BPIFB4: variants seen among roughly 807,000 people sequenced by gnomAD.
The protein encoded by BPIFB4 is BPI fold containing family B member 4.
A neutral mutation model predicts 69.2 loss-of-function variants in BPIFB4; 62 were observed. The observed-to-expected ratio is 0.90, with a 90% CI of 0.73 to 1.11. BPIFB4 has a LOEUF of 1.11. Ranked by LOEUF, BPIFB4 falls within the 50% of genes least tolerant of loss-of-function variation. BPIFB4 has a pLI of 0.00. For missense variants in BPIFB4, 789 were observed against 792.0 expected (o/e 1.00, Z 0.04); for synonymous variants, 330 against 332.7 (o/e 0.99, Z 0.09).
At chr20:33,083,902 A>G (rs940407410) in intron 5 of BPIFB4, 28 bp downstream of exon 5, 39 of 1,573,828 alleles carry the variant, frequency 2.5e-5, no homozygotes, top group Non-Finnish European at 3.3e-5. Context: ...TCTCCCCAGA[A>G]AGCCCCCATA....
chr20:33,084,389 C>T (rs1981354934), intron 5 of BPIFB4, among the ~76,000 whole-genome samples: 1 of 152,166 alleles, frequency 6.6e-6, no homozygotes, highest in East Asian at 1.9e-4. Context: ...GGTACATGGG[C>T]ATTGATAAGA....
At chr20:33,085,798 G>T (rs1005891466) in intron 6 of BPIFB4, among the ~76,000 whole-genome samples, 3 of 152,244 alleles carry the variant, frequency 2.0e-5, no homozygotes, top group African/African-American at 7.2e-5. Flanking sequence ...ACCAGAATGT[G>T]TGCTGAGCCC....
At position 33,092,499 on chromosome 20, in the gene BPIFB4, A is replaced by T; in HGVS notation, c.1185A>T (p.Pro395=). The T allele has an allele frequency of 6.2e-7, 1 of 1,613,996 alleles. No individual in the cohort carries two copies. Among genetic ancestry groups the T allele is most frequent in the Non-Finnish European group, 8.5e-7 (1 of 1,179,986 alleles). Residue 395 remains proline (P), a synonymous_variant, in exon 11 of 18, where the codon CCA becomes CCT. Transcript: ENST00000375483. ...GEAGGGLIDY[P]LGWPAVSPKP... is the part of the protein sequence containing the mutation. ...CTGGAGGAGGACTCATCGACTACCC[A>T]TTGGGGTGGCCAGCTGTGTCTCCCA...
intron 16 of BPIFB4, among the ~76,000 whole-genome samples, chr20:33,105,241 C>T (rs1982015300): frequency 6.6e-6 from 1 of 152,122 alleles, no homozygotes; most frequent in Admixed American, 6.5e-5. Flanking sequence ...TCTTTTTCTC[C>T]ATTGTTTTCC....
chr20:33,089,438 A>T (rs1981531343), intron 8 of BPIFB4, 60 bp from the exon 9 acceptor site: 1 of 1,610,734 alleles, frequency 6.2e-7, no homozygotes, highest in East Asian at 2.2e-5. Flanking sequence ...TGCGTCCCCG[A>T]CTCCCTTGCT....
rs376117181 is a variant in BPIFB4 at position 33,092,646 on chromosome 20, C to T, written c.1332C>T (p.Ile444=). The part of the protein sequence containing the change: ...LQKQHALDLD[I]TNGMFEELPP... ...AGCAGCATGCTCTAGACCTGGATAT[C>T]ACCAATGGCATGGTGAGTCACAGCC... Residue 444 remains isoleucine, a synonymous_variant, in exon 11 of 18, where the codon ATC becomes ATT. Coordinates refer to ENST00000375483, the MANE Select transcript of BPIFB4 (RefSeq NM_182519.3). The T allele has an allele frequency of 1.4e-5, 22 of 1,610,330 alleles. No individual in the cohort carries two copies. Among genetic ancestry groups the T allele is most frequent in the Non-Finnish European group, 1.8e-5 (21 of 1,179,770 alleles).
In BPIFB4 at chr20:33,086,073, C is replaced by G. The variant is rs1375505290; in HGVS notation, c.835C>G (p.Arg279Gly). The change falls in exon 7 of 18, where the codon CGG (arginine) becomes GGG (glycine). Residue 279 changes from arginine to glycine, a missense_variant. Arg to Gly is a moderately radical substitution (Grantham distance 125, BLOSUM62 -2). Around this residue, in one of 3 missense-constraint regions of BPIFB4, gnomAD observed 611 missense variants for 575.4 expected, o/e 1.06. Coordinates refer to ENST00000375483, the MANE Select transcript of BPIFB4 (RefSeq NM_182519.3). ...AGAAGTGAACATCACAGCCAAGGTCCGGCTGACCATGGACCGCACGGGTTA... is the reference window on the plus strand; with the variant it reads ...AGAAGTGAACATCACAGCCAAGGTCGGGCTGACCATGGACCGCACGGGTTA... ...AVEVNITAKV[R>G]LTMDRTGYPR... 7 of 1,612,954 alleles carry G rather than the reference C, an allele frequency of 4.3e-6. No homozygotes were observed. In the African/African-American group the frequency reaches 9.3e-5, roughly 22 times the overall value.
intron 13 of BPIFB4, among the ~76,000 whole-genome samples, chr20:33,099,438 G>C (rs1213116572): frequency 6.6e-6 from 1 of 152,154 alleles, no homozygotes; most frequent in East Asian, 1.9e-4. Flanking sequence ...AGGTTTGTGT[G>C]AGCCAGCCCA....
Position 33,089,660 on chromosome 20 carries a change from G to A in BPIFB4, c.1051+102G>A, listed in dbSNP as rs893257614. On this transcript the variant is annotated intron_variant, in intron 9 of 17. Coordinates refer to ENST00000375483, the MANE Select transcript of BPIFB4 (RefSeq NM_182519.3). ...GTGGGGGCCACAGACCTGCCCTTAG[G>A]CCCTTGAAGTGAGGAGTGGCTAATG... 3.8e-6 allele frequency: 6 copies of A among 1,573,876 alleles called. 1 individual carries two copies. Among genetic ancestry groups the A allele is most frequent in the Admixed American group, 1.8e-5 (1 of 54,752 alleles).
chr20:33,083,823 T>C lies in BPIFB4; in HGVS notation c.626T>C (p.Leu209Pro), dbSNP rs750259915. The change falls in exon 5 of 18, where the codon CTG (leucine) becomes CCG (proline). Residue 209 changes from leucine to proline, a missense_variant. Coordinates refer to ENST00000375483, the MANE Select transcript of BPIFB4 (RefSeq NM_182519.3). ...DGGLLGGGGVLGVLGEGGILS... is the reference protein window; with the variant it reads ...DGGLLGGGGVPGVLGEGGILS... Reference sequence around the variant, plus strand: ...GGACTTCTTGGAGGAGGGGGTGTCCTGGGCGTGCTCGGCGAGGGTGGCATC... The same window carrying C: ...GGACTTCTTGGAGGAGGGGGTGTCCCGGGCGTGCTCGGCGAGGGTGGCATC... 1.2e-6 allele frequency: 2 copies of C among 1,613,388 alleles called. No individual in the cohort carries two copies. The highest frequency in any genetic ancestry group is 3.3e-5 in the Admixed American group (2 of 59,946).
Position 33,107,722 on chromosome 20 carries a change from C to T in BPIFB4, c.1745-22C>T, listed in dbSNP as rs2146417527. On this transcript the variant is annotated intron_variant, in intron 16 of 17. Coordinates refer to ENST00000375483, the MANE Select transcript of BPIFB4 (RefSeq NM_182519.3). The stretch of plus-strand genomic sequence containing the variant: ...ACACCTCTTGGACCACTGACCATGT[C>T]TGACTGTTTTTTATTTTACAGCTGT... 2.5e-6 allele frequency: 4 copies of T among 1,598,634 alleles called. No homozygotes were observed. In the East Asian group the frequency reaches 8.9e-5, roughly 36 times the overall value.
At chr20:33,085,969 C>T in intron 6 of BPIFB4, 52 bp from the exon 7 acceptor site, 1 of 1,570,046 alleles carries the variant, frequency 6.4e-7, no homozygotes, top group African/African-American at 1.3e-5. Context: ...AGGGTGAGCT[C>T]CTGGCGGCTG....
At chr20:33,095,931 C>T (rs1600559310) in intron 12 of BPIFB4, among the ~76,000 whole-genome samples, 1 of 152,272 alleles carries the variant, frequency 6.6e-6, no homozygotes, top group East Asian at 1.9e-4. Flanking sequence ...GGGCCTATTA[C>T]CTTGCACCTG....
chr20:33,106,927 C>T (rs1022879105), intron 16 of BPIFB4, among the ~76,000 whole-genome samples: 5 of 152,024 alleles, frequency 3.3e-5, no homozygotes, highest in Admixed American at 1.3e-4. Flanking sequence ...TTGCCAGGGC[C>T]GGGCACAGTA....
intron 16 of BPIFB4, among the ~76,000 whole-genome samples, 156 bp from the exon 17 acceptor site, chr20:33,107,588 A>G (rs1982105048): frequency 6.6e-6 from 1 of 152,218 alleles, no homozygotes; most frequent in African/African-American, 2.4e-5. Context: ...ATGAGCCGAG[A>G]TTGTGCCACT....
intron 16 of BPIFB4, among the ~76,000 whole-genome samples, chr20:33,106,684 A>G (rs1389261667): frequency 6.6e-6 from 1 of 152,190 alleles, no homozygotes; most frequent in African/African-American, 2.4e-5. Flanking sequence ...TGGGCGTGAC[A>G]GATACAGAAA....
intron 14 of BPIFB4, among the ~76,000 whole-genome samples, chr20:33,101,180 G>C (rs1000893672): frequency 9.2e-5 from 14 of 152,310 alleles, no homozygotes; most frequent in Non-Finnish European, 1.6e-4. Context: ...GGTCCCAGTG[G>C]AAGTCAGGGC....
chr20:33,082,979 G>T lies in BPIFB4; in HGVS notation c.148G>T (p.Ala50Ser), dbSNP rs757873610. 1 of 1,613,092 alleles carries T rather than the reference G, an allele frequency of 6.2e-7. No homozygotes were observed. The highest frequency in any genetic ancestry group is 8.5e-7 in the Non-Finnish European group (1 of 1,179,696). Residue 50 changes from alanine (A) to serine (S), a missense_variant, in exon 4 of 18, where the codon GCC becomes TCC. By Grantham distance (99) the Ala-to-Ser change is moderately conservative. Transcript: ENST00000375483. ...MLQQSDALHS[A>S]LREVPLGVGD... The stretch of plus-strand genomic sequence containing the variant: ...GCAGCAAAGTGATGCTCTCCACTCG[G>T]CCCTGAGAGAGGTGCCCTTGGGTAA...
chr20:33,098,249 C>G (rs1170342433), intron 13 of BPIFB4, among the ~76,000 whole-genome samples: 1 of 152,112 alleles, frequency 6.6e-6, no homozygotes, highest in Non-Finnish European at 1.5e-5. Flanking sequence ...GTTGCCTATA[C>G]CCAGTGTGTG....
Sources: allele counts gnomAD v4.1 joint callset (sites outside exome capture counted in the v4.1 genomes callset), GRCh38; gene constraint gnomAD v4.1.1; regional missense constraint gnomAD v4.1.1; transcripts MANE v1.5; gene names NCBI Gene and HGNC (gene_info 2026-07-23, HGNC 2026-07-21).